The following MASTL variants were observed in gnomAD, a reference collection of about 807,000 sequenced individuals.
The protein encoded by MASTL is serine/threonine-protein kinase greatwall.
A neutral mutation model predicts 82.5 loss-of-function variants in MASTL; 54 were observed. That is an observed-to-expected ratio of 0.65 (90% CI 0.53 to 0.82). The LOEUF (loss-of-function observed/expected upper bound fraction) is 0.82. Ranked by LOEUF, MASTL falls within the 40% of genes least tolerant of loss-of-function variation. The pLI is 0.00. For synonymous variants in MASTL, 323 were observed against 368.9 expected (o/e 0.88, Z 1.43); for missense variants, 950 against 1,047.8 (o/e 0.91, Z 1.29).
Position 27,181,703 on chromosome 10 carries a change from G to A in MASTL, c.2482+122G>A, listed in dbSNP as rs139094713. On this transcript the variant is annotated intron_variant, in intron 11 of 11. Coordinates refer to ENST00000375940, the MANE Select transcript of MASTL (RefSeq NM_001172303.3). Reference sequence around the variant, plus strand: ...CGCCTGTAATCCCAGCACTTTGGGAGGCTGAGGCGGGCTGATCACAAGGTC... The same window carrying A: ...CGCCTGTAATCCCAGCACTTTGGGAAGCTGAGGCGGGCTGATCACAAGGTC... The A allele has an allele frequency of 9.4e-4, 601 of 638,784 alleles. 4 individuals carry two copies. The highest frequency in any genetic ancestry group is 9.1e-3 in the African/African-American group (500 of 54,728). 39.6% of individuals were successfully genotyped at this position (638,784 alleles called of 1,614,324 possible).
chr10:27,164,088 G>A (rs1204155693), intron 4 of MASTL, among the ~76,000 whole-genome samples: 2 of 151,584 alleles, frequency 1.3e-5, no homozygotes, highest in South Asian at 2.1e-4. Flanking sequence ...CTAGAGGCAT[G>A]AGCCACCACA....
intron 9 of MASTL, among the ~76,000 whole-genome samples, chr10:27,179,840 C>T (rs1043685121): frequency 2.0e-5 from 3 of 152,130 alleles, no homozygotes; most frequent in African/African-American, 7.2e-5. Flanking sequence ...GTGTGGGATA[C>T]AGAATAATCA....
intron 6 of MASTL, among the ~76,000 whole-genome samples, chr10:27,166,842 T>G (rs1360369783): frequency 1.3e-5 from 2 of 152,198 alleles, no homozygotes; most frequent in Middle Eastern, 3.2e-3. Flanking sequence ...GGTTCTAACT[T>G]TCATAGCAGT....
Position 27,170,942 on chromosome 10 carries a change from T to A in MASTL, c.1983T>A (p.His661Gln). 1.2e-6 allele frequency: 2 copies of A among 1,614,182 alleles called. No homozygotes were observed. Among genetic ancestry groups the A allele is most frequent in the Non-Finnish European group, 1.7e-6 (2 of 1,180,026 alleles). ...NAVAFRSFNS[H>Q]INASNNSEPS... ...TTGCTTTTCGAAGTTTTAACAGTCA[T>A]ATTAATGCATCCAATAACTCAGAAC... The change falls in exon 8 of 12, where the codon CAT becomes CAA. Residue 661 changes from histidine to glutamine, a missense_variant. His to Gln is a conservative substitution (Grantham distance 24). Coordinates refer to ENST00000375940, the MANE Select transcript of MASTL (RefSeq NM_001172303.3).
intron 11 of MASTL, among the ~76,000 whole-genome samples, chr10:27,183,843 C>T (rs1249531378): frequency 6.6e-6 from 1 of 152,046 alleles, no homozygotes; most frequent in African/African-American, 2.4e-5. Context: ...TCCCAAGTAG[C>T]TGGTACTACT....
chr10:27,171,137 A>G, intron 8 of MASTL, 54 bp downstream of exon 8: 1 of 1,466,976 alleles, frequency 6.8e-7, no homozygotes. Context: ...AACTATGAAG[A>G]CAGACATTTG....
intron 4 of MASTL, 45 bp downstream of exon 4, chr10:27,161,227 G>C (rs1486448283): frequency 8.7e-7 from 1 of 1,151,630 alleles, no homozygotes; most frequent in East Asian, 2.4e-5. Flanking sequence ...CATCCAACAG[G>C]CCAGGCGTGG....
intron 7 of MASTL, 105 bp from the exon 8 acceptor site, chr10:27,169,839 C>T (rs1424633882): frequency 9.2e-7 from 1 of 1,092,050 alleles, no homozygotes; most frequent in Non-Finnish European, 1.4e-6. Flanking sequence ...CAACAGGTAG[C>T]ATAATAGTTT....
chr10:27,170,085 A>G lies in MASTL; in HGVS notation c.1126A>G (p.Ser376Gly). Residue 376 changes from serine (S) to glycine (G), a missense_variant, in exon 8 of 12, where the codon AGT becomes GGT. Transcript: ENST00000375940. Reference sequence around the variant, plus strand: ...AGCTCTTTCTCCCATTCATAACAGCAGTGCCCTTCCCACCACTGGACGCTC... The same window carrying G: ...AGCTCTTTCTCCCATTCATAACAGCGGTGCCCTTCCCACCACTGGACGCTC... ...ELALSPIHNS[S>G]ALPTTGRSCV... The G allele has an allele frequency of 6.2e-7, 1 of 1,614,242 alleles. No homozygotes were observed. Among genetic ancestry groups the G allele is most frequent in the East Asian group, 2.2e-5 (1 of 44,880 alleles).
At chr10:27,158,349 A>AC (rs2057461131) in intron 1 of MASTL, among the ~76,000 whole-genome samples, 200 bp from the exon 2 acceptor site, 1 of 152,134 alleles carries the variant, frequency 6.6e-6, no homozygotes. Context: ...TCTACAACAA[A>AC]ATTAAAAAGT....
At chr10:27,182,123 C>T (rs1052536779) in intron 11 of MASTL, among the ~76,000 whole-genome samples, 5 of 149,790 alleles carry the variant, frequency 3.3e-5, no homozygotes, top group African/African-American at 1.2e-4. Context: ...TGGTGGCGTG[C>T]ACCTGTAGTC....
intron 9 of MASTL, among the ~76,000 whole-genome samples, chr10:27,176,471 A>G (rs1196949510): frequency 6.6e-6 from 1 of 152,172 alleles, no homozygotes; most frequent in African/African-American, 2.4e-5. Context: ...TGATCACGAC[A>G]TTTGAGGTTA....
chr10:27,171,166 C>T (rs527941938), intron 8 of MASTL, 83 bp downstream of exon 8: 24 of 1,165,344 alleles, frequency 2.1e-5, no homozygotes, highest in Non-Finnish European at 2.7e-5. Flanking sequence ...CTAGACTATG[C>T]GGTATTAATC....
At chr10:27,156,613 T>G (rs979705681) in intron 1 of MASTL, among the ~76,000 whole-genome samples, 3 of 151,318 alleles carry the variant, frequency 2.0e-5, no homozygotes, top group Admixed American at 2.0e-4. Flanking sequence ...GATTCTCCTG[T>G]CTCAGCCTCC....
chr10:27,160,966 C>CA (rs2057552136), intron 3 of MASTL, 128 bp from the exon 4 acceptor site: 2 of 691,458 alleles, frequency 2.9e-6, no homozygotes, highest in Non-Finnish European at 5.3e-6. Flanking sequence ...TCAAAGCCAT[C>CA]AATGAGTATC....
At chr10:27,162,143 T>C (rs2057591086) in intron 4 of MASTL, among the ~76,000 whole-genome samples, 1 of 152,216 alleles carries the variant, frequency 6.6e-6, no homozygotes. Flanking sequence ...AGCATAGTGC[T>C]TTCTGGAGGA....
chr10:27,163,118 T>C (rs887094566), intron 4 of MASTL, among the ~76,000 whole-genome samples: 3 of 152,108 alleles, frequency 2.0e-5, no homozygotes, highest in African/African-American at 7.2e-5. Context: ...AGTTTCACCA[T>C]GTTGGCCAGG....
At chr10:27,177,772 G>A in intron 9 of MASTL, 1 of 899,370 alleles carries the variant, frequency 1.1e-6, no homozygotes, top group Non-Finnish European at 1.3e-6. Flanking sequence ...TTAATACAGT[G>A]TACCTAACTA....
In MASTL at chr10:27,170,581, A is replaced by T; in HGVS notation, c.1622A>T (p.Glu541Val). The stretch of plus-strand genomic sequence containing the variant: ...ATGTGTGAACTCGATGAAGACTGTG[A>T]AAAGAATAGTAAGAGGGACTACTTA... Reference protein sequence around the residue: ...NLMCELDEDCEKNSKRDYLSS... With the variant: ...NLMCELDEDCVKNSKRDYLSS... Residue 541 changes from glutamate to valine, a missense_variant, in exon 8 of 12, where the codon GAA (glutamate) becomes GTA (valine). Physicochemically the swap from Glu to Val is moderately radical, Grantham distance 121 (BLOSUM62 -2). Transcript: ENST00000375940. 1 of 1,612,774 alleles carries T rather than the reference A, an allele frequency of 6.2e-7. No homozygotes were observed.
Sources: gnomAD v4.1 joint callset for allele counts (sites outside exome capture counted in the v4.1 genomes callset) on GRCh38, gnomAD v4.1.1 for gene constraint, MANE v1.5 for transcripts, NCBI Gene and HGNC (gene_info 2026-07-23, HGNC 2026-07-21) for gene names.